TXK: variants seen among roughly 807,000 people sequenced by gnomAD.
TXK encodes TXK tyrosine kinase, also known as tyrosine-protein kinase TXK.
A neutral mutation model predicts 81.0 loss-of-function variants in TXK; 60 were observed. That is an observed-to-expected ratio of 0.74 (90% confidence interval 0.60 to 0.92). The LOEUF (loss-of-function observed/expected upper bound fraction) is 0.92. Among genes scored for constraint, TXK ranks in the 40% least tolerant of loss-of-function variants. The probability of loss-of-function intolerance (pLI) is 0.00; values close to 1 mark genes in which losing one functional copy is unlikely to be tolerated. For missense variants in TXK, 581 were observed against 638.3 expected (o/e 0.91, Z 0.97); for synonymous variants, 203 against 210.7 (o/e 0.96, Z 0.32).
chr4:48,084,013 C>T (rs1052023303), intron 10 of TXK, among the ~76,000 whole-genome samples: 5 of 152,166 alleles, frequency 3.3e-5, no homozygotes, highest in Non-Finnish European at 5.9e-5. Flanking sequence ...TGCATGTCAA[C>T]TATTTTAAAA....
chr4:48,104,032 T>A (rs1429793839), intron 6 of TXK, among the ~76,000 whole-genome samples: 1 of 148,974 alleles, frequency 6.7e-6, no homozygotes, highest in South Asian at 2.1e-4. Context: ...CAAAACCCTG[T>A]CTCTATAAAA....
At chr4:48,079,555 T>C (rs923120252) in intron 11 of TXK, among the ~76,000 whole-genome samples, 4 of 152,174 alleles carry the variant, frequency 2.6e-5, no homozygotes, top group Admixed American at 1.3e-4. Flanking sequence ...ACCCACCAAG[T>C]TGTCCTTAAA....
chr4:48,131,268 G>A (rs567540087), intron 1 of TXK, among the ~76,000 whole-genome samples: 1 of 151,456 alleles, frequency 6.6e-6, no homozygotes, highest in South Asian at 2.1e-4. Flanking sequence ...CTATGACAAT[G>A]CTTAAAACAA....
At chr4:48,122,678 T>G (rs150947155) in intron 1 of TXK, among the ~76,000 whole-genome samples, 1 of 152,330 alleles carries the variant, frequency 6.6e-6, no homozygotes, top group East Asian at 1.9e-4. Context: ...TTTGACACAA[T>G]GAATACTCAA....
intron 5 of TXK, 62 bp downstream of exon 5, chr4:48,110,476 T>C (rs1380577761): frequency 4.9e-6 from 6 of 1,235,142 alleles, no homozygotes; most frequent in East Asian, 2.3e-5. Context: ...AAACAGTATC[T>C]ATACTTACAA....
chr4:48,129,261 T>G (rs78821335), intron 1 of TXK, among the ~76,000 whole-genome samples: 1 of 152,230 alleles, frequency 6.6e-6, no homozygotes, highest in African/African-American at 2.4e-5. Flanking sequence ...TTCTAAGAAG[T>G]GATGGTCTCC....
At chr4:48,087,929 C>T (rs1717598285) in intron 9 of TXK, among the ~76,000 whole-genome samples, 1 of 151,946 alleles carries the variant, frequency 6.6e-6, no homozygotes, top group Admixed American at 6.6e-5. Context: ...AATATACAAC[C>T]AACATAGAAT....
intron 5 of TXK, among the ~76,000 whole-genome samples, chr4:48,109,059 T>C (rs1718548171): frequency 6.6e-6 from 1 of 152,200 alleles, no homozygotes; most frequent in South Asian, 2.1e-4. Context: ...ATAATATCTG[T>C]AAATACATAC....
intron 1 of TXK, among the ~76,000 whole-genome samples, chr4:48,129,111 GT>G (rs1424036946): frequency 6.6e-6 from 1 of 152,030 alleles, no homozygotes; most frequent in African/African-American, 2.4e-5. Flanking sequence ...GGGACATTGA[GT>G]TTTTCACATA....
chr4:48,112,233 T>C (rs886676842), intron 4 of TXK, 74 bp downstream of exon 4: 12 of 1,382,378 alleles, frequency 8.7e-6, no homozygotes, highest in Non-Finnish European at 1.2e-5. Context: ...GGAAGAGTTA[T>C]AAGCCTGAGT....
At chr4:48,082,319 C>T (rs564346603) in intron 10 of TXK, among the ~76,000 whole-genome samples, 12 of 152,152 alleles carry the variant, frequency 7.9e-5, no homozygotes, top group Non-Finnish European at 1.8e-4. Flanking sequence ...TCAACACAGA[C>T]ACTGAGACTG....
chr4:48,124,290 C>T (rs1446722511), intron 1 of TXK, among the ~76,000 whole-genome samples: 1 of 152,142 alleles, frequency 6.6e-6, no homozygotes, highest in Non-Finnish European at 1.5e-5. Context: ...CCCACACCAC[C>T]ACCACCTTCC....
intron 1 of TXK, among the ~76,000 whole-genome samples, chr4:48,124,848 T>C (rs1003641710): frequency 1.3e-5 from 2 of 152,260 alleles, no homozygotes; most frequent in Admixed American, 1.3e-4. Flanking sequence ...TTTTCTTTTC[T>C]GTATTAAAAG....
At chr4:48,123,694 GT>G (rs1467060081) in intron 1 of TXK, among the ~76,000 whole-genome samples, 1 of 152,224 alleles carries the variant, frequency 6.6e-6, no homozygotes, top group African/African-American at 2.4e-5. Context: ...CAAAGGGCTA[GT>G]AAGCGGGGAG....
intron 14 of TXK, among the ~76,000 whole-genome samples, chr4:48,070,893 CTTTT>C (rs11309334): frequency 1.2e-5 from 1 of 84,334 alleles, no homozygotes; most frequent in African/African-American, 5.2e-5. Flanking sequence ...TCATTTAATT[CTTTT>C]TTTTTTTTTT....
At chr4:48,114,030 C>A (rs768102993) in intron 2 of TXK, among the ~76,000 whole-genome samples, 3 of 152,026 alleles carry the variant, frequency 2.0e-5, no homozygotes, top group Non-Finnish European at 4.4e-5. Flanking sequence ...AGGATTCTTG[C>A]CCTTAAAGGG....
At chr4:48,116,256 T>C (rs976131822) in intron 1 of TXK, among the ~76,000 whole-genome samples, 1 of 152,068 alleles carries the variant, frequency 6.6e-6, no homozygotes, top group Non-Finnish European at 1.5e-5. Flanking sequence ...ACTAATTGAG[T>C]CGATTCATGT....
intron 8 of TXK, among the ~76,000 whole-genome samples, chr4:48,091,566 T>TAGGCTGCCAATG (rs1717777293): frequency 6.6e-6 from 1 of 151,894 alleles, no homozygotes; most frequent in Non-Finnish European, 1.5e-5. Context: ...AGTGCAATGG[T>TAGGCTGCCAATG]GTGATCTTGG....
At chr4:48,120,608 A>C (rs776238382) in intron 1 of TXK, among the ~76,000 whole-genome samples, 75 of 151,732 alleles carry the variant, frequency 4.9e-4, no homozygotes, top group Non-Finnish European at 9.0e-4. Flanking sequence ...CTCCTGCCTC[A>C]GCCTCCAGAG....
Sources: allele counts gnomAD v4.1 joint callset (sites outside exome capture counted in the v4.1 genomes callset), GRCh38; gene constraint gnomAD v4.1.1; transcripts MANE v1.5; gene names NCBI Gene and HGNC (gene_info 2026-07-23, HGNC 2026-07-21).